Variants in MSRA observed in about 807,000 individuals in gnomAD.
MSRA encodes the protein methionine sulfoxide reductase A.
MSRA carries 54 observed loss-of-function variants against 31.3 expected under a neutral mutation model. The observed-to-expected ratio is 1.73, with a 90% confidence interval of 1.39 to 2.17. The LOEUF (loss-of-function observed/expected upper bound fraction) is 2.17, where lower values mean the gene tolerates loss of function less well. Ranked by LOEUF, MSRA falls within the 30% of genes most tolerant of loss-of-function variation. The probability of loss-of-function intolerance (pLI) is 0.00; values close to 1 mark genes in which losing one functional copy is unlikely to be tolerated. For missense variants in MSRA, 507 were observed against 300.9 expected, an observed-to-expected ratio of 1.69 and a Z score of -5.07; for synonymous variants, 169 against 116.5, an observed-to-expected ratio of 1.45 and a Z score of -2.90.
chr8:10,127,563 A>G lies in MSRA; in HGVS notation c.142+72905A>G, dbSNP rs138301406. ...GCCTCACTGGACTAGAGTCACTCAGATGAAATGAGTGGAGGATGATACATT... is the reference window on the plus strand; with the variant it reads ...GCCTCACTGGACTAGAGTCACTCAGGTGAAATGAGTGGAGGATGATACATT... On this transcript the variant is annotated intron_variant, in intron 1 of 5. Transcript: ENST00000317173. Among the ~76,000 whole-genome samples, 109 of 152,334 alleles carry G rather than the reference A, an allele frequency of 7.2e-4. 3 individuals carry two copies. The highest frequency in any genetic ancestry group is 1.1e-3 in the Non-Finnish European group (74 of 68,026).
intron 2 of MSRA, among the ~76,000 whole-genome samples, chr8:10,226,547 C>T (rs1811018022): frequency 6.6e-6 from 1 of 152,166 alleles, no homozygotes; most frequent in East Asian, 1.9e-4. Flanking sequence ...ATTGGAATTC[C>T]ATAGATCTCC....
chr8:10,357,445 A>C (rs1226248080), intron 5 of MSRA, among the ~76,000 whole-genome samples: 1 of 152,210 alleles, frequency 6.6e-6, no homozygotes, highest in Non-Finnish European at 1.5e-5. Flanking sequence ...TTATGAACTC[A>C]TGGATTTACA....
At chr8:10,210,691 A>C (rs76475836) in intron 2 of MSRA, among the ~76,000 whole-genome samples, 2 of 151,996 alleles carry the variant, frequency 1.3e-5, no homozygotes, top group East Asian at 3.9e-4. Context: ...TCAGCCTTGG[A>C]GGTCTTCATA....
chr8:10,125,328 A>G (rs576031727), intron 1 of MSRA, among the ~76,000 whole-genome samples: 1 of 152,190 alleles, frequency 6.6e-6, no homozygotes, highest in Non-Finnish European at 1.5e-5. Context: ...GTGTGGTGGC[A>G]CAGATCAAAA....
intron 1 of MSRA, among the ~76,000 whole-genome samples, chr8:10,168,656 T>C (rs983367726): frequency 2.6e-5 from 4 of 152,152 alleles, no homozygotes; most frequent in African/African-American, 9.7e-5. Context: ...TGGCCCAATG[T>C]CACATAGCTA....
intron 4 of MSRA, among the ~76,000 whole-genome samples, chr8:10,311,273 G>A (rs2129132049): frequency 6.6e-6 from 1 of 152,320 alleles, no homozygotes; most frequent in East Asian, 1.9e-4. Flanking sequence ...ACAGAACTAT[G>A]AGGAATTAAC....
chr8:10,153,977 G>T (rs1369664520), intron 1 of MSRA, among the ~76,000 whole-genome samples: 1 of 152,186 alleles, frequency 6.6e-6, no homozygotes, highest in Non-Finnish European at 1.5e-5. Flanking sequence ...CAATTTTCAT[G>T]TGGATATTCA....
chr8:10,108,011 T>C (rs1192215762), intron 1 of MSRA, among the ~76,000 whole-genome samples: 2 of 152,184 alleles, frequency 1.3e-5, no homozygotes, highest in Non-Finnish European at 2.9e-5. Flanking sequence ...CCCATTTCTT[T>C]TGTTGTCCTT....
At chr8:10,070,499 G>T (rs1379829339) in intron 1 of MSRA, among the ~76,000 whole-genome samples, 1 of 152,186 alleles carries the variant, frequency 6.6e-6, no homozygotes, top group East Asian at 1.9e-4. Flanking sequence ...CTGTGGATCT[G>T]TTGTACTCTT....
At chr8:10,147,015 G>C (rs1323641050) in intron 1 of MSRA, among the ~76,000 whole-genome samples, 1 of 152,226 alleles carries the variant, frequency 6.6e-6, no homozygotes, top group Non-Finnish European at 1.5e-5. Flanking sequence ...GCCTTGTTGG[G>C]TTACCGGCAG....
intron 1 of MSRA, among the ~76,000 whole-genome samples, chr8:10,072,825 C>G (rs921350535): frequency 1.3e-5 from 2 of 152,142 alleles, no homozygotes; most frequent in Non-Finnish European, 2.9e-5. Flanking sequence ...TTGCTATGTT[C>G]ATACCTAACC....
intron 5 of MSRA, among the ~76,000 whole-genome samples, chr8:10,339,806 G>A (rs1379173321): frequency 5.3e-5 from 8 of 152,020 alleles, no homozygotes; most frequent in African/African-American, 1.4e-4. Context: ...CTCCCAAAGT[G>A]CTGGGATTAC....
At chr8:10,149,664 A>G (rs983407882) in intron 1 of MSRA, among the ~76,000 whole-genome samples, 1 of 151,964 alleles carries the variant, frequency 6.6e-6, no homozygotes, top group Non-Finnish European at 1.5e-5. Flanking sequence ...GTGGACAGTC[A>G]CAGGCTGTCC....
rs565360088 is a variant in MSRA at position 10,324,994 on chromosome 8, G to A, written c.543+5005G>A. Among the ~76,000 whole-genome samples the A allele has an allele frequency of 1.1e-4, 16 of 152,334 alleles. No individual in the cohort carries two copies. The South Asian group carries it at 2.9e-3, about 28-fold the overall frequency. Reference sequence around the variant, plus strand: ...GGCGTTGAGTGTAAGATTGGGCAATGCAGGTGCATAAAAGCTGCACAAAGT... The same window carrying A: ...GGCGTTGAGTGTAAGATTGGGCAATACAGGTGCATAAAAGCTGCACAAAGT... On this transcript the variant is annotated intron_variant, in intron 5 of 5. Transcript: ENST00000317173.
At chr8:10,153,231 T>G (rs1208518324) in intron 1 of MSRA, among the ~76,000 whole-genome samples, 1 of 152,158 alleles carries the variant, frequency 6.6e-6, no homozygotes, top group African/African-American at 2.4e-5. Context: ...GGCTGAGAAG[T>G]TGGCCTGGCT....
intron 1 of MSRA, among the ~76,000 whole-genome samples, chr8:10,139,085 G>A (rs886512590): frequency 6.6e-6 from 1 of 152,188 alleles, no homozygotes; most frequent in Non-Finnish European, 1.5e-5. Flanking sequence ...CCATTAGAAG[G>A]ATCAATTTGA....
intron 1 of MSRA, among the ~76,000 whole-genome samples, chr8:10,189,754 A>G (rs901257398): frequency 1.3e-5 from 2 of 152,146 alleles, no homozygotes; most frequent in African/African-American, 4.8e-5. Flanking sequence ...AGAATTTTAA[A>G]TTCTGTGTTC....
chr8:10,292,819 C>T (rs948814148), intron 3 of MSRA, among the ~76,000 whole-genome samples: 3 of 151,918 alleles, frequency 2.0e-5, no homozygotes, highest in Admixed American at 6.6e-5. Context: ...GCTTGGTGGG[C>T]GAGCCCTACA....
At chr8:10,139,517 A>G (rs546055431) in intron 1 of MSRA, among the ~76,000 whole-genome samples, 2 of 152,236 alleles carry the variant, frequency 1.3e-5, no homozygotes, top group African/African-American at 4.8e-5. Flanking sequence ...CTCATCCCTC[A>G]TCCTGCTTCC....
Sources: gnomAD v4.1 joint callset for allele counts (sites outside exome capture counted in the v4.1 genomes callset) on GRCh38, gnomAD v4.1.1 for gene constraint, MANE v1.5 for transcripts, NCBI Gene and HGNC (gene_info 2026-07-23, HGNC 2026-07-21) for gene names.